The following IMMP2L variants were observed in gnomAD, a reference collection of about 807,000 sequenced individuals.
IMMP2L encodes inner mitochondrial membrane peptidase subunit 2, also known as mitochondrial inner membrane protease subunit 2.
A neutral mutation model predicts 19.3 loss-of-function variants in IMMP2L; 18 were observed. That is an observed-to-expected ratio of 0.93 (90% confidence interval 0.64 to 1.38). The LOEUF is 1.38. Among genes scored for constraint, IMMP2L ranks in the 40% most tolerant of loss-of-function variants. The probability of loss-of-function intolerance (pLI) is 0.00; values close to 1 mark genes in which losing one functional copy is unlikely to be tolerated. For synonymous variants in IMMP2L, 76 were observed against 73.0 expected, an observed-to-expected ratio of 1.04 and a Z score of -0.21; for missense variants, 233 against 218.2, an observed-to-expected ratio of 1.07 and a Z score of -0.43.
intron 3 of IMMP2L, among the ~76,000 whole-genome samples, chr7:111,288,652 A>G (rs928781909): frequency 5.3e-5 from 8 of 152,198 alleles, no homozygotes; most frequent in African/African-American, 1.9e-4. Context: ...TTATGCAGCC[A>G]ACAAACATGA....
At chr7:110,755,928 A>C (rs773864494) in intron 5 of IMMP2L, among the ~76,000 whole-genome samples, 1 of 152,124 alleles carries the variant, frequency 6.6e-6, no homozygotes, top group African/African-American at 2.4e-5. Flanking sequence ...GAAGTATTCT[A>C]TATTGCCATT....
chr7:111,466,046 C>A (rs990391072), intron 3 of IMMP2L, among the ~76,000 whole-genome samples: 2 of 152,048 alleles, frequency 1.3e-5, no homozygotes, highest in African/African-American at 4.8e-5. Flanking sequence ...AAGCTGGAAA[C>A]CATCATTCTC....
intron 5 of IMMP2L, among the ~76,000 whole-genome samples, chr7:110,801,302 A>C (rs1801223008): frequency 6.6e-6 from 1 of 152,038 alleles, no homozygotes; most frequent in Non-Finnish European, 1.5e-5. Flanking sequence ...ATTTTGCTCA[A>C]ATTGAGCCTT....
At chr7:110,970,091 G>T (rs1478049646) in intron 3 of IMMP2L, among the ~76,000 whole-genome samples, 4 of 152,014 alleles carry the variant, frequency 2.6e-5, no homozygotes, top group African/African-American at 9.7e-5. Flanking sequence ...AGTGACAACT[G>T]GTCTTATTAG....
chr7:111,099,169 A>G (rs1187819160), intron 3 of IMMP2L, among the ~76,000 whole-genome samples: 1 of 151,706 alleles, frequency 6.6e-6, no homozygotes, highest in Admixed American at 6.6e-5. Flanking sequence ...ACCTGAGGTC[A>G]TGCAGTATAA....
At chr7:111,199,125 G>A (rs1809826075) in intron 3 of IMMP2L, among the ~76,000 whole-genome samples, 1 of 151,880 alleles carries the variant, frequency 6.6e-6, no homozygotes, top group Admixed American at 6.6e-5. Context: ...TGTGAAGTAG[G>A]TTTCAAGAAA....
chr7:110,908,786 G>A (rs989753777), intron 4 of IMMP2L, among the ~76,000 whole-genome samples: 2 of 152,116 alleles, frequency 1.3e-5, no homozygotes, highest in African/African-American at 4.8e-5. Context: ...GTAAATAACT[G>A]GATTCACAAA....
chr7:110,795,423 C>G (rs1466716369), intron 5 of IMMP2L, among the ~76,000 whole-genome samples: 1 of 152,014 alleles, frequency 6.6e-6, no homozygotes, highest in African/African-American at 2.4e-5. Context: ...CAGAAACAAG[C>G]AAGGGACTTT....
intron 3 of IMMP2L, among the ~76,000 whole-genome samples, chr7:110,977,522 AC>A (rs1820823373): frequency 6.6e-6 from 1 of 151,890 alleles, no homozygotes; most frequent in South Asian, 2.1e-4. Flanking sequence ...TCAAACTAAA[AC>A]CACAAAATGA....
intron 3 of IMMP2L, among the ~76,000 whole-genome samples, chr7:111,391,558 C>G (rs1299397066): frequency 6.6e-6 from 1 of 152,110 alleles, no homozygotes; most frequent in Admixed American, 6.6e-5. Context: ...AGACTGTGGA[C>G]AGTTACAGAA....
intron 3 of IMMP2L, among the ~76,000 whole-genome samples, chr7:111,276,677 A>T (rs957434849): frequency 6.6e-6 from 1 of 151,152 alleles, no homozygotes; most frequent in African/African-American, 2.4e-5. Context: ...TCCTAAGGGG[A>T]AAAAAAGCTA....
At chr7:110,772,644 C>G (rs1799112685) in intron 5 of IMMP2L, among the ~76,000 whole-genome samples, 1 of 152,092 alleles carries the variant, frequency 6.6e-6, no homozygotes, top group African/African-American at 2.4e-5. Context: ...GGCTCTTGTT[C>G]AGAAATTATG....
chr7:110,962,089 A>C (rs1819007976), intron 4 of IMMP2L, among the ~76,000 whole-genome samples: 1 of 151,930 alleles, frequency 6.6e-6, no homozygotes, highest in East Asian at 1.9e-4. Flanking sequence ...TACCTCAATA[A>C]ATTTTTAAAA....
At chr7:110,767,764 C>A (rs1798761973) in intron 5 of IMMP2L, among the ~76,000 whole-genome samples, 1 of 152,184 alleles carries the variant, frequency 6.6e-6, no homozygotes, top group Non-Finnish European at 1.5e-5. Flanking sequence ...TCAAGCCCTA[C>A]TAAATCTATG....
In IMMP2L at chr7:111,086,131, T is replaced by C. The variant is rs201854222; in HGVS notation, c.240-122566A>G. ...CCCCTGAACTTAAAATAAAAGTATTTAAAAAAAAGACGTGGACTGGTACTG... is the reference window on the plus strand; with the variant it reads ...CCCCTGAACTTAAAATAAAAGTATTCAAAAAAAAGACGTGGACTGGTACTG... On this transcript the variant is annotated intron_variant, in intron 3 of 5. Coordinates refer to ENST00000405709, the MANE Select transcript of IMMP2L (RefSeq NM_032549.4). Among the ~76,000 whole-genome samples, 42 of 151,228 alleles carry C rather than the reference T, an allele frequency of 2.8e-4. 1 individual carries two copies. The East Asian group carries it at 8.0e-3, about 29-fold the overall frequency.
intron 3 of IMMP2L, among the ~76,000 whole-genome samples, chr7:111,039,299 A>C (rs1791651060): frequency 6.6e-6 from 1 of 152,242 alleles, no homozygotes; most frequent in South Asian, 2.1e-4. Context: ...AACTGGCGTA[A>C]AAAATATAGT....
At chr7:111,206,688 T>C (rs528679394) in intron 3 of IMMP2L, among the ~76,000 whole-genome samples, 13 of 152,288 alleles carry the variant, frequency 8.5e-5, no homozygotes, top group Middle Eastern at 3.4e-3. Flanking sequence ...AAATGTACAG[T>C]TGAATTATTA....
intron 3 of IMMP2L, among the ~76,000 whole-genome samples, chr7:111,071,109 C>T (rs1232573805): frequency 2.0e-5 from 3 of 151,886 alleles, no homozygotes; most frequent in Admixed American, 6.6e-5. Flanking sequence ...CCAACAAGTA[C>T]ATGAAAAAAA....
rs561210678 is a variant in IMMP2L, at chr7:110,736,520, T to C, written c.409-72799A>G. 2.0e-5 allele frequency among the ~76,000 whole-genome samples: 3 copies of C among 152,288 alleles called. No individual in the cohort carries two copies. In the South Asian group the frequency reaches 6.2e-4, roughly 32 times the overall value. On this transcript the variant is annotated intron_variant, in intron 5 of 5. Coordinates refer to ENST00000405709, the MANE Select transcript of IMMP2L (RefSeq NM_032549.4). ...GCCATGAAAGCTGCTGTGTGGGCTG[T>C]GCCCAGCAAAGCTAGGGGGCAGGAC...
Sources: allele counts gnomAD v4.1 joint callset (sites outside exome capture counted in the v4.1 genomes callset), GRCh38; gene constraint gnomAD v4.1.1; transcripts MANE v1.5; gene names NCBI Gene and HGNC (gene_info 2026-07-23, HGNC 2026-07-21).